Variants in CTNNA2 observed in about 807,000 individuals in gnomAD.
CTNNA2 encodes catenin alpha 2.
A neutral mutation model predicts 101.0 loss-of-function variants in CTNNA2; 42 were observed. The ratio of observed to expected loss-of-function variants is 0.42; its 90% CI spans 0.32 to 0.54. The LOEUF is 0.54. Ranked by LOEUF, CTNNA2 falls within the 20% of genes least tolerant of loss-of-function variation. The probability of loss-of-function intolerance (pLI) is 0.14; values close to 1 mark genes in which losing one functional copy is unlikely to be tolerated. For synonymous variants in CTNNA2, 450 were observed against 456.4 expected, an observed-to-expected ratio of 0.99 and a Z score of 0.18; for missense variants, 871 against 1,223.1, an observed-to-expected ratio of 0.71 and a Z score of 4.29.
rs180798265 is a variant in CTNNA2 at position 79,646,398 on chromosome 2, T to C, written c.-5-5154T>C. On this transcript the variant is annotated intron_variant, in intron 1 of 18. Coordinates refer to ENST00000402739, the MANE Select transcript of CTNNA2 (RefSeq NM_001282597.3). Reference sequence around the variant, plus strand: ...TTTTCTATCATGAGTGACAAATAGCTGATAGCATCCTGGCCTGTGCCTCTT... The same window carrying C: ...TTTTCTATCATGAGTGACAAATAGCCGATAGCATCCTGGCCTGTGCCTCTT... 1.1e-3 allele frequency among the ~76,000 whole-genome samples: 168 copies of C among 152,274 alleles called. 1 individual carries two copies. Among genetic ancestry groups the C allele is most frequent in the African/African-American group, 3.9e-3 (164 of 41,544 alleles).
chr2:80,186,259 C>T (rs1287017639), intron 7 of CTNNA2, among the ~76,000 whole-genome samples: 1 of 152,218 alleles, frequency 6.6e-6, no homozygotes, highest in Non-Finnish European at 1.5e-5. Context: ...CTTTATTTCT[C>T]ATGTCTCTCC....
chr2:80,463,000 T>C (rs1389288250), intron 9 of CTNNA2, among the ~76,000 whole-genome samples: 2 of 152,150 alleles, frequency 1.3e-5, no homozygotes, highest in African/African-American at 4.8e-5. Context: ...TTATTCCAGA[T>C]TCTATGGTTC....
At chr2:80,050,217 G>A (rs1339359232) in intron 7 of CTNNA2, among the ~76,000 whole-genome samples, 2 of 152,128 alleles carry the variant, frequency 1.3e-5, no homozygotes, top group East Asian at 3.9e-4. Context: ...AAACCTAGTT[G>A]CACACCTCTC....
intron 4 of CTNNA2, among the ~76,000 whole-genome samples, chr2:79,416,287 A>G (rs1457342518): frequency 7.7e-6 from 1 of 129,192 alleles, no homozygotes; most frequent in Non-Finnish European, 1.6e-5. Flanking sequence ...TTTTTGGCCA[A>G]TAAAAAGCAA....
At chr2:79,920,863 C>T (rs774140172) in intron 7 of CTNNA2, among the ~76,000 whole-genome samples, 3 of 152,186 alleles carry the variant, frequency 2.0e-5, no homozygotes, top group Admixed American at 6.5e-5. Flanking sequence ...GTTCAAAGGG[C>T]TCCCCCAAGC....
chr2:80,125,265 A>G (rs1244867465), intron 7 of CTNNA2, among the ~76,000 whole-genome samples: 1 of 152,086 alleles, frequency 6.6e-6, no homozygotes, highest in Non-Finnish European at 1.5e-5. Flanking sequence ...TCTGGGCTCA[A>G]TCACAGGCTC....
chr2:79,535,962 A>G (rs1673029891), intron 1 of CTNNA2, among the ~76,000 whole-genome samples: 5 of 152,220 alleles, frequency 3.3e-5, no homozygotes, highest in Admixed American at 3.3e-4. Flanking sequence ...CACGTACGTG[A>G]ACAGCTCTCA....
At chr2:80,195,545 C>G (rs532397363) in intron 7 of CTNNA2, among the ~76,000 whole-genome samples, 4 of 151,894 alleles carry the variant, frequency 2.6e-5, no homozygotes, top group Non-Finnish European at 4.4e-5. Context: ...CTGATTGACC[C>G]TTAATGACTT....
At chr2:79,835,400 T>G (rs1344251269) in intron 3 of CTNNA2, among the ~76,000 whole-genome samples, 2 of 152,170 alleles carry the variant, frequency 1.3e-5, no homozygotes, top group African/African-American at 2.4e-5. Context: ...ACCCAACATT[T>G]TAGTCATCGT....
intron 2 of CTNNA2, among the ~76,000 whole-genome samples, chr2:79,224,036 TC>T (rs1459862744): frequency 6.6e-6 from 1 of 152,228 alleles, no homozygotes; most frequent in Non-Finnish European, 1.5e-5. Flanking sequence ...AAAGCATTCT[TC>T]CGTTGTACAT....
chr2:80,106,906 G>A (rs1170239844), intron 7 of CTNNA2, among the ~76,000 whole-genome samples: 1 of 152,134 alleles, frequency 6.6e-6, no homozygotes, highest in Admixed American at 6.5e-5. Flanking sequence ...GGGGGCCCTG[G>A]CAGGGAAAAG....
chr2:79,211,178 A>C (rs1024535331), intron 2 of CTNNA2, among the ~76,000 whole-genome samples: 6 of 152,170 alleles, frequency 3.9e-5, no homozygotes, highest in Admixed American at 3.3e-4. Flanking sequence ...CTTACCTTTC[A>C]CACTCTCCCT....
intron 1 of CTNNA2, among the ~76,000 whole-genome samples, chr2:79,621,917 A>T (rs114412728): frequency 0.024 from 3,729 of 152,308 alleles, 145 homozygotes; most frequent in African/African-American, 0.085. Context: ...GTAGCATTTT[A>T]CAAAATACCT....
chr2:80,642,456 T>C (rs964133794), intron 18 of CTNNA2, among the ~76,000 whole-genome samples: 5 of 152,208 alleles, frequency 3.3e-5, no homozygotes, highest in African/African-American at 1.2e-4. Context: ...TACCCAACAC[T>C]TAAGCACAGT....
intron 3 of CTNNA2, among the ~76,000 whole-genome samples, chr2:79,848,122 G>T (rs184920528): frequency 2.3e-4 from 35 of 152,106 alleles, no homozygotes; most frequent in African/African-American, 8.4e-4. Flanking sequence ...TTGAAATTTG[G>T]GGTTTATAGA....
chr2:80,199,415 A>T (rs1707059881), intron 7 of CTNNA2, among the ~76,000 whole-genome samples: 1 of 152,196 alleles, frequency 6.6e-6, no homozygotes, highest in African/African-American at 2.4e-5. Context: ...ATTCTTTTTA[A>T]TATGGCAGTA....
At chr2:80,520,507 A>G (rs1689453073) in intron 9 of CTNNA2, among the ~76,000 whole-genome samples, 1 of 152,134 alleles carries the variant, frequency 6.6e-6, no homozygotes, top group South Asian at 2.1e-4. Flanking sequence ...TGGAGGCTGG[A>G]AGTCCAAGAT....
At chr2:79,233,261 A>G (rs1465066490) in intron 2 of CTNNA2, among the ~76,000 whole-genome samples, 1 of 152,180 alleles carries the variant, frequency 6.6e-6, no homozygotes, top group Non-Finnish European at 1.5e-5. Flanking sequence ...GTGTCTCTAT[A>G]TTCATTAATT....
intron 1 of CTNNA2, among the ~76,000 whole-genome samples, chr2:79,525,736 C>T (rs1024292773): frequency 3.3e-5 from 5 of 152,012 alleles, no homozygotes; most frequent in Admixed American, 2.6e-4. Context: ...AGTGGTAAGT[C>T]GTGGTTCATG....
Sources: gnomAD v4.1 joint callset for allele counts (sites outside exome capture counted in the v4.1 genomes callset) on GRCh38, gnomAD v4.1.1 for gene constraint, MANE v1.5 for transcripts, NCBI Gene and HGNC (gene_info 2026-07-23, HGNC 2026-07-21) for gene names.